Variants in LYRM9 observed in about 807,000 individuals in gnomAD.
LYRM9 encodes LYR motif-containing protein 9.
A neutral mutation model predicts 12.6 loss-of-function variants in LYRM9; 14 were observed. That is an observed-to-expected ratio of 1.11 (90% CI 0.73 to 1.73). The LOEUF (loss-of-function observed/expected upper bound fraction) is 1.73, where lower values mean the gene tolerates loss of function less well. Among genes scored for constraint, LYRM9 ranks in the 40% most tolerant of loss-of-function variants. LYRM9 has a pLI of 0.00. For missense variants in LYRM9, 94 were observed against 95.0 expected, an observed-to-expected ratio of 0.99 and a Z score of 0.04; for synonymous variants, 42 against 35.1, an observed-to-expected ratio of 1.20 and a Z score of -0.69.
chr17:27,883,063 C>G, intron 1 of LYRM9: 1 of 476,342 alleles, frequency 2.1e-6, no homozygotes, highest in Non-Finnish European at 4.3e-6. Context: ...AGGAAACCAG[C>G]TCTGACATCA....
intron 1 of LYRM9, chr17:27,892,617 C>CT (rs1254532440): frequency 6.2e-6 from 2 of 323,252 alleles, no homozygotes; most frequent in Non-Finnish European, 1.2e-5. Context: ...GACAGAAGTA[C>CT]ATTGGTGGTT....
chr17:27,883,752 CTGA>C, intron 1 of LYRM9, among the ~76,000 whole-genome samples: 1 of 136,886 alleles, frequency 7.3e-6, no homozygotes, highest in Non-Finnish European at 1.5e-5. Context: ...ACAGAGAGGT[CTGA>C]TAACTTGCCC....
At chr17:27,882,065 T>C (rs1198619742) in intron 2 of LYRM9, among the ~76,000 whole-genome samples, 1 of 152,186 alleles carries the variant, frequency 6.6e-6, no homozygotes, top group African/African-American at 2.4e-5. Context: ...CCCAATAATA[T>C]TCTTTACAGC....
chr17:27,879,633 ACT>A, intron 3 of LYRM9, 143 bp from the exon 4 acceptor site: 3 of 777,750 alleles, frequency 3.9e-6, no homozygotes, highest in Non-Finnish European at 6.0e-6. Flanking sequence ...AGCAGGAGGC[ACT>A]GGGCAGCCAA....
chr17:27,892,693 TG>T (rs1597598317), intron 1 of LYRM9: 1 of 302,882 alleles, frequency 3.3e-6, no homozygotes. Context: ...GTGTTTCTTT[TG>T]GGGGGTAATG....
chr17:27,890,989 C>T (rs1406177563), intron 1 of LYRM9, among the ~76,000 whole-genome samples: 1 of 152,010 alleles, frequency 6.6e-6, no homozygotes, highest in East Asian at 1.9e-4. Context: ...TCCCTGCCCC[C>T]TTCATCCCTG....
At chr17:27,888,846 T>G (rs1905323881) in intron 1 of LYRM9, among the ~76,000 whole-genome samples, 1 of 152,212 alleles carries the variant, frequency 6.6e-6, no homozygotes, top group East Asian at 1.9e-4. Flanking sequence ...ATTTTCGCTC[T>G]GCTCAAGCTA....
At chr17:27,880,044 T>C (rs1484644623) in intron 3 of LYRM9, 1 of 688,832 alleles carries the variant, frequency 1.5e-6, no homozygotes, top group Non-Finnish European at 2.6e-6. Flanking sequence ...GGGCAGAAAT[T>C]TGCCTTTAAG....
chr17:27,879,606 G>A, intron 3 of LYRM9, 116 bp from the exon 4 acceptor site: 1 of 1,184,664 alleles, frequency 8.4e-7, no homozygotes, highest in Non-Finnish European at 1.2e-6. Flanking sequence ...GGGGCTTCTT[G>A]GAGGTGGTGA....
At position 27,878,687 on chromosome 17, in the gene LYRM9, G is replaced by A. The variant is rs1023528684; in HGVS notation, c.*786C>T. 4 of 152,292 alleles carry A rather than the reference G, an allele frequency of 2.6e-5. No homozygotes were observed. Among genetic ancestry groups the A allele is most frequent in the East Asian group, 1.9e-4 (1 of 5,174 alleles). 9.4% of individuals were successfully genotyped at this position (152,292 alleles called of 1,614,324 possible). On this transcript the variant is annotated 3_prime_UTR_variant, in exon 4 of 4. Coordinates refer to ENST00000379102, the MANE Select transcript of LYRM9 (RefSeq NM_001076680.3). ...CAGAGTCCATGGCAGCTGCTTTGGC[G>A]TCTCTCCTTGGTTCATGTGGTGGGC...
intron 1 of LYRM9, among the ~76,000 whole-genome samples, chr17:27,888,842 G>A (rs944321191): frequency 4.6e-5 from 7 of 151,954 alleles, no homozygotes; most frequent in African/African-American, 9.7e-5. Flanking sequence ...CCCCATTTTC[G>A]CTCTGCTCAA....
chr17:27,885,804 A>G (rs1442371512), intron 1 of LYRM9, among the ~76,000 whole-genome samples: 1 of 152,034 alleles, frequency 6.6e-6, no homozygotes, highest in African/African-American at 2.4e-5. Context: ...GGGCCAATTA[A>G]TCCCCTTTCA....
intron 1 of LYRM9, among the ~76,000 whole-genome samples, chr17:27,889,790 C>T (rs965499976): frequency 1.3e-5 from 2 of 152,280 alleles, no homozygotes; most frequent in Middle Eastern, 3.4e-3. Flanking sequence ...ACCCTATATA[C>T]TGTAAGCATC....
chr17:27,886,723 G>A lies in LYRM9; in HGVS notation c.-18-4011C>T, dbSNP rs1032556255. Among the ~76,000 whole-genome samples, 15 of 150,572 alleles carry A rather than the reference G, an allele frequency of 1.0e-4. No individual in the cohort carries two copies. Among genetic ancestry groups the A allele is most frequent in the Admixed American group, 2.0e-4 (3 of 15,032 alleles). Reference sequence around the variant, plus strand: ...GGAGTGCAATGGCGCAATCTCGACCGCAACCTCCGCCTCCTGGGTTTAAGC... The same window carrying A: ...GGAGTGCAATGGCGCAATCTCGACCACAACCTCCGCCTCCTGGGTTTAAGC... On this transcript the variant is annotated intron_variant, in intron 1 of 3. Coordinates refer to ENST00000379102, the MANE Select transcript of LYRM9 (RefSeq NM_001076680.3). This position sits in a 1 kb window ranked among gnomAD's most constrained non-coding sequence, Gnocchi z 4.8.
chr17:27,892,425 A>G lies in LYRM9; in HGVS notation c.-19+892T>C, dbSNP rs1299813377. The G allele has an allele frequency of 6.6e-6, 3 of 456,098 alleles. No homozygotes were observed. The Admixed American group carries it at 7.1e-5, about 11-fold the overall frequency. The allele number at this position is 456,098 out of a possible 1,614,324, so 28.3% of individuals were successfully genotyped here. On this transcript the variant is annotated intron_variant, in intron 1 of 3. Transcript: ENST00000379102. Reference sequence around the variant, plus strand: ...CTGAACCATAACAGAAGTTCCATAGATGTCAATTGATTCCCAAGTTACCAG... The same window carrying G: ...CTGAACCATAACAGAAGTTCCATAGGTGTCAATTGATTCCCAAGTTACCAG...
At position 27,884,947 on chromosome 17, in the gene LYRM9, C is replaced by T. The variant is rs545786638; in HGVS notation, c.-18-2235G>A. ...AGCTGGTTCCAGAGGCTCCTTCATT[C>T]CATTTACATCCCATTATCTCCTCGG... On this transcript the variant is annotated intron_variant, in intron 1 of 3. Transcript: ENST00000379102. Among the ~76,000 whole-genome samples the T allele has an allele frequency of 2.0e-5, 3 of 152,182 alleles. No individual in the cohort carries two copies. The South Asian group carries it at 6.2e-4, about 31-fold the overall frequency.
At chr17:27,880,996 T>A (rs935855242) in intron 2 of LYRM9, 4 of 152,232 alleles carry the variant, frequency 2.6e-5, no homozygotes, top group African/African-American at 9.7e-5. Flanking sequence ...CACAGCACTT[T>A]GGGAGGCCGA....
At chr17:27,887,713 G>GGTGTGTGTGTGTGTGT (rs59760752) in intron 1 of LYRM9, among the ~76,000 whole-genome samples, 1 of 86,730 alleles carries the variant, frequency 1.2e-5, no homozygotes, top group Admixed American at 1.3e-4. Flanking sequence ...TAGGAGGGAG[G>GGTGTGTGTGTGTGTGT]GTGTGTGTGT....
chr17:27,888,882 T>C (rs184379858), intron 1 of LYRM9, among the ~76,000 whole-genome samples: 62 of 152,214 alleles, frequency 4.1e-4, no homozygotes, highest in Admixed American at 2.0e-3. Context: ...AGTTCTGAGT[T>C]AAAATTCCCC....
Sources: allele counts gnomAD v4.1 joint callset (sites outside exome capture counted in the v4.1 genomes callset), GRCh38; gene constraint gnomAD v4.1.1; non-coding constraint Gnocchi (gnomAD v3.1); transcripts MANE v1.5; gene names NCBI Gene and HGNC (gene_info 2026-07-23, HGNC 2026-07-21).